KSR2: variants seen among roughly 807,000 people sequenced by gnomAD.
KSR2 encodes kinase suppressor of ras 2.
A neutral mutation model predicts 107.8 loss-of-function variants in KSR2; 25 were observed. The observed-to-expected ratio is 0.23, with a 90% CI of 0.17 to 0.32. The LOEUF (loss-of-function observed/expected upper bound fraction) is 0.32. Ranked by LOEUF, KSR2 falls within the 10% of genes least tolerant of loss-of-function variation. The pLI, the probability that KSR2 is intolerant of heterozygous loss-of-function variation, is 1.00. For synonymous variants in KSR2, 480 were observed against 507.0 expected (o/e 0.95, Z 0.71); for missense variants, 887 against 1,268.9 (o/e 0.70, Z 4.57).
At position 117,753,947 on chromosome 12, in the gene KSR2, CGTGTGTGTGTGTGTGTGTGTGT is replaced by C. The variant is rs34174404; in HGVS notation, c.986+7042_986+7063del. On this transcript the variant is annotated intron_variant, in intron 4 of 19. Transcript: ENST00000339824. ...TACTTTTACTGGGGAAAGTATAGAG[CGTGTGTGTGTGTGTGTGTGTGT>C]GTGTGTGTGTGTGTGTGTGTGTGTG... Among the ~76,000 whole-genome samples the C allele has an allele frequency of 2.1e-3, 274 of 129,032 alleles. 2 individuals are homozygous for C. The highest frequency in any genetic ancestry group is 9.4e-3 in the South Asian group (33 of 3,524). The allele number at this position is 129,032 out of a possible 152,430, so 84.7% of individuals were successfully genotyped here.
chr12:117,939,301 T>G (rs1895937063), intron 1 of KSR2, among the ~76,000 whole-genome samples: 1 of 152,236 alleles, frequency 6.6e-6, no homozygotes, highest in South Asian at 2.1e-4. Flanking sequence ...TGGGAATTGC[T>G]TCACAATAAT....
At chr12:117,503,881 A>G (rs1873525585) in intron 14 of KSR2, among the ~76,000 whole-genome samples, 1 of 152,242 alleles carries the variant, frequency 6.6e-6, no homozygotes, top group South Asian at 2.1e-4. Flanking sequence ...TCAAACTTCC[A>G]TAATAAACAT....
At chr12:117,591,100 T>A (rs536782897) in intron 5 of KSR2, among the ~76,000 whole-genome samples, 3 of 152,266 alleles carry the variant, frequency 2.0e-5, no homozygotes, top group East Asian at 1.9e-4. Flanking sequence ...AAGGAGGACA[T>A]GCAAGCAGCC....
chr12:117,692,449 CATATATAT>C (rs57091494), intron 4 of KSR2, among the ~76,000 whole-genome samples: 2,736 of 83,920 alleles, frequency 0.033, 95 homozygotes, highest in Non-Finnish European at 0.041. Flanking sequence ...CAACTTCACT[CATATATAT>C]ATATATATAT....
At chr12:117,935,795 T>C (rs1895820035) in intron 1 of KSR2, among the ~76,000 whole-genome samples, 1 of 152,110 alleles carries the variant, frequency 6.6e-6, no homozygotes, top group South Asian at 2.1e-4. Flanking sequence ...TCTCATGATC[T>C]GGTCCCACTC....
intron 4 of KSR2, among the ~76,000 whole-genome samples, chr12:117,720,471 T>C: frequency 6.6e-6 from 1 of 152,178 alleles, no homozygotes; most frequent in East Asian, 1.9e-4. Flanking sequence ...TTTGGCCCCA[T>C]GCCTAAAAAG....
intron 3 of KSR2, among the ~76,000 whole-genome samples, chr12:117,784,472 ATG>A (rs1166958834): frequency 1.3e-5 from 2 of 152,200 alleles, no homozygotes; most frequent in East Asian, 3.8e-4. Context: ...AGTCTCACGT[ATG>A]TCTTTATTAG....
chr12:117,884,947 T>C (rs112906272), intron 1 of KSR2, among the ~76,000 whole-genome samples: 3,487 of 152,180 alleles, frequency 0.023, 123 homozygotes, highest in African/African-American at 0.078. Context: ...TGCACAGAAC[T>C]AACACCTTTC....
intron 5 of KSR2, among the ~76,000 whole-genome samples, chr12:117,607,536 G>A (rs191736491): frequency 3.2e-4 from 49 of 152,214 alleles, no homozygotes; most frequent in Admixed American, 3.2e-3. Flanking sequence ...GCCTCCATGG[G>A]CCCCCTTTCT....
chr12:117,930,851 T>C (rs1022389735), intron 1 of KSR2, among the ~76,000 whole-genome samples: 2 of 151,842 alleles, frequency 1.3e-5, no homozygotes, highest in African/African-American at 4.8e-5. Context: ...GAAGTGGAGG[T>C]TGCAGTGAGC....
At chr12:117,657,415 T>G (rs1444893901) in intron 5 of KSR2, among the ~76,000 whole-genome samples, 1 of 152,158 alleles carries the variant, frequency 6.6e-6, no homozygotes, top group Non-Finnish European at 1.5e-5. Context: ...TAAATTACCT[T>G]TATATTTAAA....
chr12:117,791,375 A>G (rs1055383548), intron 3 of KSR2, among the ~76,000 whole-genome samples: 1 of 152,164 alleles, frequency 6.6e-6, no homozygotes, highest in African/African-American at 2.4e-5. Flanking sequence ...TCATTCTCTG[A>G]TATTTTCCAG....
At chr12:117,701,641 T>C (rs1287934566) in intron 4 of KSR2, among the ~76,000 whole-genome samples, 1 of 152,144 alleles carries the variant, frequency 6.6e-6, no homozygotes, top group African/African-American at 2.4e-5. Context: ...CAACCTGCAT[T>C]GTCCAGCTGG....
At chr12:117,872,344 G>A (rs563328789) in intron 1 of KSR2, among the ~76,000 whole-genome samples, 41 of 152,066 alleles carry the variant, frequency 2.7e-4, no homozygotes, top group African/African-American at 4.6e-4. Flanking sequence ...CTGGAGGATC[G>A]CTTAAGGCCA....
intron 5 of KSR2, among the ~76,000 whole-genome samples, chr12:117,594,673 T>C (rs10774938): frequency 0.62 from 94,367 of 151,910 alleles, 30,676 homozygotes; most frequent in East Asian, 0.78. Flanking sequence ...AGAGTCCCCA[T>C]ACCCCCAAGA....
chr12:117,794,694 C>T (rs1312986632), intron 3 of KSR2, among the ~76,000 whole-genome samples: 1 of 152,074 alleles, frequency 6.6e-6, no homozygotes, highest in Non-Finnish European at 1.5e-5. Context: ...AACAGGCACA[C>T]ACACACCAAC....
chr12:117,695,409 A>G (rs1886012363), intron 4 of KSR2, among the ~76,000 whole-genome samples: 1 of 152,134 alleles, frequency 6.6e-6, no homozygotes, highest in South Asian at 2.1e-4. Context: ...TGCTGCAATA[A>G]AATAAATGTG....
chr12:117,838,019 C>T (rs565892312), intron 3 of KSR2, among the ~76,000 whole-genome samples: 29 of 152,284 alleles, frequency 1.9e-4, no homozygotes, highest in African/African-American at 6.7e-4. Context: ...GCCACAGACT[C>T]CTATATAGGA....
intron 4 of KSR2, among the ~76,000 whole-genome samples, chr12:117,699,024 C>G (rs941786082): frequency 6.6e-6 from 1 of 152,234 alleles, no homozygotes; most frequent in African/African-American, 2.4e-5. Flanking sequence ...GAGCAGCTCT[C>G]TCCTTAACAC....
Sources: gnomAD v4.1 joint callset for allele counts (sites outside exome capture counted in the v4.1 genomes callset) on GRCh38, gnomAD v4.1.1 for gene constraint, MANE v1.5 for transcripts, NCBI Gene and HGNC (gene_info 2026-07-23, HGNC 2026-07-21) for gene names.